MDFI: variants seen among roughly 807,000 people sequenced by gnomAD.
MDFI encodes inhibitor of MyoD family a.
Under a neutral mutation model 22.3 loss-of-function variants are expected in MDFI, and 16 were observed. The observed-to-expected ratio is 0.72, with a 90% confidence interval of 0.49 to 1.09. The LOEUF (loss-of-function observed/expected upper bound fraction) is 1.09, where lower values mean the gene tolerates loss of function less well. Ranked by LOEUF, MDFI falls within the 50% of genes least tolerant of loss-of-function variation. The pLI is 0.00. For synonymous variants in MDFI, 145 were observed against 142.7 expected, an observed-to-expected ratio of 1.02 and a Z score of -0.12; for missense variants, 314 against 326.1, an observed-to-expected ratio of 0.96 and a Z score of 0.29.
intron 3 of MDFI, among the ~76,000 whole-genome samples, chr6:41,647,652 C>G (rs1002085578): frequency 6.6e-6 from 1 of 152,048 alleles, no homozygotes; most frequent in Non-Finnish European, 1.5e-5. Context: ...CATGCCCTCC[C>G]CACTCCACTT....
chr6:41,639,477 G>A, intron 2 of MDFI: 1 of 985,440 alleles, frequency 1.0e-6, no homozygotes, highest in Non-Finnish European at 1.2e-6. Context: ...GCGATTCCTG[G>A]GGGAGCCTCT....
intron 4 of MDFI, among the ~76,000 whole-genome samples, chr6:41,652,502 G>A (rs546114864): frequency 6.6e-6 from 1 of 152,186 alleles, no homozygotes; most frequent in Non-Finnish European, 1.5e-5. Flanking sequence ...GAGATGCCAG[G>A]TGGCAGTGGT....
rs1175658729 is a variant in MDFI, at chr6:41,653,142, C to T, written c.485-177C>T. Among the ~76,000 whole-genome samples, 4 of 152,184 alleles carry T rather than the reference C, an allele frequency of 2.6e-5. No individual in the cohort carries two copies. Among genetic ancestry groups the T allele is most frequent in the South Asian group, 2.1e-4 (1 of 4,832 alleles). ...CCGATGTGCTTAACTGTCTGTGCCT[C>T]GGGGTCATCACCTAGAAAATGGAGC... On this transcript the variant is annotated intron_variant, in intron 4 of 4. Coordinates refer to ENST00000230321, the MANE Select transcript of MDFI (RefSeq NM_005586.4). This position sits in a 1 kb window ranked among gnomAD's most constrained non-coding sequence, Gnocchi z 4.2.
intron 2 of MDFI, among the ~76,000 whole-genome samples, chr6:41,644,681 C>T (rs1767981441): frequency 6.6e-6 from 1 of 152,020 alleles, no homozygotes; most frequent in Non-Finnish European, 1.5e-5. Flanking sequence ...TTACCTCCCT[C>T]CTCTCTTCTT....
chr6:41,638,604 G>A lies in MDFI; in HGVS notation c.-60G>A. On this transcript the variant is annotated 5_prime_UTR_variant, in exon 1 of 5. Transcript: ENST00000230321. This position sits in a 1 kb window ranked among gnomAD's most constrained non-coding sequence, Gnocchi z 7.6. ...CGCCCGGAGCAGGCGCGCATGGCGG[G>A]CCCCGCGCGGGGATCCGGCTGGAAG... The A allele has an allele frequency of 2.1e-6, 2 of 966,292 alleles. No homozygotes were observed. The highest frequency in any genetic ancestry group is 1.8e-5 in the South Asian group (1 of 57,050). The allele number at this position is 966,292 out of a possible 1,614,324, so 59.9% of individuals were successfully genotyped here.
chr6:41,644,251 G>A (rs1425841113), intron 2 of MDFI, among the ~76,000 whole-genome samples: 2 of 152,182 alleles, frequency 1.3e-5, no homozygotes, highest in African/African-American at 2.4e-5. Flanking sequence ...GGCCCAAAGA[G>A]CAGATGGAGC....
At chr6:41,651,014 T>C (rs1768251562) in intron 4 of MDFI, among the ~76,000 whole-genome samples, 1 of 151,962 alleles carries the variant, frequency 6.6e-6, no homozygotes, top group South Asian at 2.1e-4. Context: ...AAGACCAGCC[T>C]TGTCTAAATG....
chr6:41,653,856 C>A lies in MDFI; in HGVS notation c.*281C>A. 1.9e-6 allele frequency: 1 copy of A among 523,448 alleles called. No individual in the cohort carries two copies. The highest frequency in any genetic ancestry group is 3.4e-6 in the Non-Finnish European group (1 of 290,484). 32.4% of individuals were successfully genotyped at this position (523,448 alleles called of 1,614,324 possible). Reference sequence around the variant, plus strand: ...CATTGCTGAGGACCTGACAGGACAACCTAGGGGCAGGGCTGGGGTGGGGAC... The same window carrying A: ...CATTGCTGAGGACCTGACAGGACAAACTAGGGGCAGGGCTGGGGTGGGGAC... On this transcript the variant is annotated 3_prime_UTR_variant, in exon 5 of 5. Coordinates refer to ENST00000230321, the MANE Select transcript of MDFI (RefSeq NM_005586.4). The surrounding 1 kb of genome is among the most constrained non-coding windows in gnomAD (Gnocchi z 4.2).
At chr6:41,646,432 G>A in intron 3 of MDFI, 124 bp downstream of exon 3, 1 of 841,522 alleles carries the variant, frequency 1.2e-6, no homozygotes, top group East Asian at 3.3e-5. Flanking sequence ...TGGCAGCACA[G>A]GCAGCAGAAA....
chr6:41,653,426 T>G lies in MDFI; in HGVS notation c.592T>G (p.Cys198Gly). Residue 198 changes from cysteine (C) to glycine (G), a missense_variant, in exon 5 of 5, where the codon TGC becomes GGC. Coordinates refer to ENST00000230321, the MANE Select transcript of MDFI (RefSeq NM_005586.4). The surrounding 1 kb of genome is among the most constrained non-coding windows in gnomAD (Gnocchi z 4.2). ...TGGCTCCTGCAGCTCGGAGGACTCG[T>G]GCCTCTGCTGCTGCTGCTGTGGCTC... The part of the protein sequence containing the change: ...TCGSCSSEDS[C>G]LCCCCCGSGE... 6.2e-7 allele frequency: 1 copy of G among 1,608,082 alleles called. No homozygotes were observed. The highest frequency in any genetic ancestry group is 8.5e-7 in the Non-Finnish European group (1 of 1,179,972).
chr6:41,639,872 G>T (rs1767784124), intron 2 of MDFI: 1 of 985,280 alleles, frequency 1.0e-6, no homozygotes, highest in African/African-American at 1.7e-5. Flanking sequence ...CCTCGAAGCC[G>T]GCCTGCCTGC....
intron 3 of MDFI, 43 bp downstream of exon 3, chr6:41,646,351 G>A: frequency 2.2e-6 from 3 of 1,378,792 alleles, no homozygotes; most frequent in Non-Finnish European, 2.8e-6. Context: ...AACATGTAGG[G>A]TTGCACTAGG....
chr6:41,653,662 C>T lies in MDFI; in HGVS notation c.*87C>T. On this transcript the variant is annotated 3_prime_UTR_variant, in exon 5 of 5. Transcript: ENST00000230321. This position sits in a 1 kb window ranked among gnomAD's most constrained non-coding sequence, Gnocchi z 4.2. ...TGGGGCCAGGCCCAGGACTGTCACACAAGGCTTGAGAAGCCCCCTCTCCCT... is the reference window on the plus strand; with the variant it reads ...TGGGGCCAGGCCCAGGACTGTCACATAAGGCTTGAGAAGCCCCCTCTCCCT... 1 of 1,535,848 alleles carries T rather than the reference C, an allele frequency of 6.5e-7. No individual in the cohort carries two copies. The highest frequency in any genetic ancestry group is 8.8e-7 in the Non-Finnish European group (1 of 1,137,160).
chr6:41,649,889 G>A, intron 4 of MDFI, 46 bp downstream of exon 4: 9 of 1,553,610 alleles, frequency 5.8e-6, no homozygotes, highest in Non-Finnish European at 7.9e-6. Context: ...TCCAAAGCCG[G>A]GTTCCTCGAA....
intron 3 of MDFI, among the ~76,000 whole-genome samples, chr6:41,648,001 G>A (rs1489345420): frequency 3.6e-5 from 5 of 137,178 alleles, no homozygotes; most frequent in Non-Finnish European, 6.1e-5. Context: ...CCGGGATTGC[G>A]CCACTGCACT....
At chr6:41,637,802 T>C (rs1184150336), upstream of MDFI, among the ~76,000 whole-genome samples, 1 of 152,144 alleles carries the variant, frequency 6.6e-6, no homozygotes, top group East Asian at 1.9e-4. The surrounding 1 kb of genome is among the most constrained non-coding windows in gnomAD (Gnocchi z 6.8). Flanking sequence ...GGAGGACCTC[T>C]CTTTGCCCCC....
chr6:41,651,278 G>A (rs16894883), intron 4 of MDFI, among the ~76,000 whole-genome samples: 2,850 of 149,500 alleles, frequency 0.019, 336 homozygotes, highest in African/African-American at 0.065. Flanking sequence ...ATAGGTAATC[G>A]CCATACGATG....
rs1299829449 is a variant in MDFI, at chr6:41,653,607, C to A, written c.*32C>A. 2 of 1,596,598 alleles carry A rather than the reference C, an allele frequency of 1.3e-6. No homozygotes were observed. Among genetic ancestry groups the A allele is most frequent in the Middle Eastern group, 1.7e-4 (1 of 5,994 alleles). On this transcript the variant is annotated 3_prime_UTR_variant, in exon 5 of 5. Coordinates refer to ENST00000230321, the MANE Select transcript of MDFI (RefSeq NM_005586.4). This position sits in a 1 kb window ranked among gnomAD's most constrained non-coding sequence, Gnocchi z 4.2. ...GTCGGGGGCTAAGCCAGCCTGGCGCCCCTGCAGATTCCAGCAGGGTCCCTC... is the reference window on the plus strand; with the variant it reads ...GTCGGGGGCTAAGCCAGCCTGGCGCACCTGCAGATTCCAGCAGGGTCCCTC...
chr6:41,646,451 G>T (rs1768056161), intron 3 of MDFI, 143 bp downstream of exon 3: 2 of 672,830 alleles, frequency 3.0e-6, no homozygotes, highest in African/African-American at 1.9e-5. Flanking sequence ...AAGGGGAAGG[G>T]CACTGTCACT....
Sources: gnomAD v4.1 joint callset for allele counts (sites outside exome capture counted in the v4.1 genomes callset) on GRCh38, gnomAD v4.1.1 for gene constraint, Gnocchi (gnomAD v3.1) non-coding constraint, MANE v1.5 for transcripts, NCBI Gene and HGNC (gene_info 2026-07-23, HGNC 2026-07-21) for gene names.